HCN2: variants seen among roughly 807,000 people sequenced by gnomAD.
HCN2 encodes potassium/sodium hyperpolarization-activated cyclic nucleotide-gated channel 2.
A neutral mutation model predicts 52.3 loss-of-function variants in HCN2; 20 were observed. The ratio of observed to expected loss-of-function variants is 0.38; its 90% CI spans 0.27 to 0.56. The LOEUF (loss-of-function observed/expected upper bound fraction) is 0.56, where lower values mean the gene tolerates loss of function less well. HCN2 is among the 20% of genes least tolerant of loss of function. HCN2 has a pLI of 0.71. For synonymous variants in HCN2, 694 were observed against 537.0 expected (o/e 1.29, Z -4.04); for missense variants, 981 against 1,207.7 (o/e 0.81, Z 2.78).
intron 1 of HCN2, among the ~76,000 whole-genome samples, chr19:595,426 A>G (rs1982998863): frequency 6.7e-6 from 1 of 150,206 alleles, no homozygotes; most frequent in African/African-American, 2.5e-5. Flanking sequence ...TGTCACCTCT[A>G]CCTCCTCCCT....
intron 1 of HCN2, among the ~76,000 whole-genome samples, chr19:598,012 C>T (rs1247703102): frequency 1.3e-5 from 2 of 152,182 alleles, no homozygotes; most frequent in African/African-American, 4.8e-5. Flanking sequence ...GACTGGTGCT[C>T]GAAGGTGGGA....
In HCN2 at chr19:607,949, C is replaced by A; in HGVS notation, c.1219-15C>A. 6.2e-7 allele frequency: 1 copy of A among 1,600,872 alleles called. No homozygotes were observed. The highest frequency in any genetic ancestry group is 2.0e-4 in the Middle Eastern group (1 of 4,928). ...GAGCACCTGCCCACCACCGCCCCTC[C>A]TGCTGGCCTTGCAGAACCACTCGTG... On this transcript the variant is annotated splice_polypyrimidine_tract_variant and intron_variant, in intron 3 of 7. Transcript: ENST00000251287.
At position 613,498 on chromosome 19, in the gene HCN2, A is replaced by T. The variant is rs1201754609; in HGVS notation, c.1825+10A>T. ...GGCTCCTACTTCGGGGGTGAGCTTG[A>T]GGGGGGCGCGCCTGGAGGGGGAGGG... On this transcript the variant is annotated intron_variant, in intron 6 of 7. Coordinates refer to ENST00000251287, the MANE Select transcript of HCN2 (RefSeq NM_001194.4). The T allele has an allele frequency of 1.9e-6, 2 of 1,057,534 alleles. No homozygotes were observed. Among genetic ancestry groups the T allele is most frequent in the Non-Finnish European group, 1.2e-6 (1 of 813,790 alleles). The allele number at this position is 1,057,534 out of a possible 1,614,324, so 65.5% of individuals were successfully genotyped here.
rs55687900 is a variant in HCN2 at position 610,401 on chromosome 19, G to A, written c.1580G>A (p.Arg527Gln). The change falls in exon 5 of 8, where the codon CGG (arginine) becomes CAG (glutamine). Residue 527 changes from arginine to glutamine, a missense_variant. Physicochemically the swap from Arg to Gln is conservative, Grantham distance 43 (BLOSUM62 1). This residue lies in a region of HCN2 where 282 missense variants were observed against 553.8 expected (regional missense o/e 0.51). Transcript: ENST00000251287. ...CTGGGCGAGCTCAACGGGCCCCTGCGGGAGGTGAGGCGGGCGCCGGGCGGG... is the reference window on the plus strand; with the variant it reads ...CTGGGCGAGCTCAACGGGCCCCTGCAGGAGGTGAGGCGGGCGCCGGGCGGG... ...SILGELNGPL[R>Q]EEIVNFNCRK... 3.5e-5 allele frequency: 56 copies of A among 1,612,862 alleles called. No homozygotes were observed. Among genetic ancestry groups the A allele is most frequent in the Non-Finnish European group, 4.6e-5 (54 of 1,179,458 alleles).
intron 1 of HCN2, among the ~76,000 whole-genome samples, chr19:598,810 G>A (rs1323967995): frequency 2.0e-5 from 3 of 152,332 alleles, no homozygotes; most frequent in South Asian, 2.1e-4. Context: ...GGGTTTCACC[G>A]TGTTGGCCAG....
At position 617,122 on chromosome 19, in the gene HCN2, C is replaced by A. The variant is rs1341275387; in HGVS notation, c.*648C>A. On this transcript the variant is annotated 3_prime_UTR_variant, in exon 8 of 8. Coordinates refer to ENST00000251287, the MANE Select transcript of HCN2 (RefSeq NM_001194.4). The stretch of plus-strand genomic sequence containing the variant: ...CCCCCACGCCCCATTAACCCCCACA[C>A]CCCCATTCCGCGCAATAAACGACAG... 9.2e-6 allele frequency: 6 copies of A among 649,330 alleles called. No homozygotes were observed. In the Admixed American group the frequency reaches 1.2e-4, roughly 13 times the overall value. The allele number at this position is 649,330 out of a possible 1,614,324, so 40.2% of individuals were successfully genotyped here. A position where few individuals can be genotyped will look rare whatever the true frequency, so the allele number is the denominator to read the frequency against.
intron 7 of HCN2, among the ~76,000 whole-genome samples, 185 bp downstream of exon 7, chr19:614,201 G>A (rs1369611003): frequency 2.6e-5 from 4 of 152,168 alleles, no homozygotes; most frequent in African/African-American, 9.7e-5. Context: ...GGCGTGGCTG[G>A]GGCAGGGGCA....
At position 605,626 on chromosome 19, in the gene HCN2, CTCGGGCCCTT is replaced by C. The variant is rs1983399895; in HGVS notation, c.1218+405_1218+414del. ...AGGCGCCCCCTTATGGAGGGGAGGA[CTCGGGCCCTT>C]ACAGAGGTGGGGACCCAGGCGCCCC... On this transcript the variant is annotated intron_variant, in intron 3 of 7. Coordinates refer to ENST00000251287, the MANE Select transcript of HCN2 (RefSeq NM_001194.4). 1.1e-4 allele frequency among the ~76,000 whole-genome samples: 8 copies of C among 72,682 alleles called. 2 individuals carry two copies. Among genetic ancestry groups the C allele is most frequent in the Admixed American group, 6.4e-4 (5 of 7,844 alleles). The allele number at this position is 72,682 out of a possible 152,430, so 47.7% of individuals were successfully genotyped here.
At chr19:605,437 G>A (rs113738007) in intron 3 of HCN2, among the ~76,000 whole-genome samples, 1 of 62,406 alleles carries the variant, frequency 1.6e-5, no homozygotes, top group Non-Finnish European at 2.9e-5. Flanking sequence ...TTTCAGAGGC[G>A]GGGACCCAGG....
chr19:603,459 G>GTCCCCCA, intron 1 of HCN2, 85 bp from the exon 2 acceptor site: 1 of 1,090,898 alleles, frequency 9.2e-7, no homozygotes, highest in Non-Finnish European at 1.3e-6. Context: ...GGCGCCCCTC[G>GTCCCCCA]TCCCCCAAGG....
Position 613,240 on chromosome 19 carries a change from C to T in HCN2, c.1585-8C>T, listed in dbSNP as rs756746223. 6.8e-6 allele frequency: 11 copies of T among 1,608,886 alleles called. 1 individual carries two copies. Among genetic ancestry groups the T allele is most frequent in the Non-Finnish European group, 9.3e-6 (11 of 1,178,260 alleles). On this transcript the variant is annotated splice_polypyrimidine_tract_variant and splice_region_variant and intron_variant, in intron 5 of 7. Transcript: ENST00000251287. ...CGCAGCGGACCCAGCCCTGCCTCCC[C>T]CCTGCAGGAGATCGTCAACTTCAAC...
intron 5 of HCN2, among the ~76,000 whole-genome samples, chr19:613,015 T>G (rs909538642): frequency 3.3e-5 from 5 of 152,160 alleles, no homozygotes; most frequent in Non-Finnish European, 7.4e-5. Flanking sequence ...CCGCCCCTCC[T>G]GGTCCGATTG....
intron 6 of HCN2, among the ~76,000 whole-genome samples, 176 bp downstream of exon 6, chr19:613,664 G>GCACC (rs1193444946): frequency 1.0e-5 from 1 of 98,052 alleles, no homozygotes; most frequent in Non-Finnish European, 2.1e-5. Context: ...GATGGGGCCG[G>GCACC]GGATGGGGAT....
intron 3 of HCN2, among the ~76,000 whole-genome samples, chr19:606,720 C>T (rs10415299): frequency 0.07 from 10,605 of 150,880 alleles, 837 homozygotes; most frequent in African/African-American, 0.19. Flanking sequence ...GGCGTGGTGG[C>T]GCGCACCTGT....
At chr19:595,873 C>T (rs1983014633) in intron 1 of HCN2, among the ~76,000 whole-genome samples, 2 of 152,276 alleles carry the variant, frequency 1.3e-5, no homozygotes. Context: ...CCCTAATCCT[C>T]TCCCGGATTG....
chr19:616,987 A>G lies in HCN2; in HGVS notation c.*513A>G. The G allele has an allele frequency of 4.1e-6, 2 of 485,966 alleles. No individual in the cohort carries two copies. Among genetic ancestry groups the G allele is most frequent in the South Asian group, 2.1e-5 (1 of 48,708 alleles). 30.1% of individuals were successfully genotyped at this position (485,966 alleles called of 1,614,324 possible). A position where few individuals can be genotyped will look rare whatever the true frequency, so the allele number is the denominator to read the frequency against. On this transcript the variant is annotated 3_prime_UTR_variant, in exon 8 of 8. Transcript: ENST00000251287. ...GAGCAGCACCCCGCCTCCCTCCAGC[A>G]CTGGCACCGAGAGGCAGGCCTGGCT...
intron 1 of HCN2, among the ~76,000 whole-genome samples, chr19:593,045 TCC>T (rs1982917961): frequency 6.6e-6 from 1 of 152,082 alleles, no homozygotes; most frequent in African/African-American, 2.4e-5. Context: ...TCTCTTCACC[TCC>T]CCTTCCTGCT....
intron 1 of HCN2, among the ~76,000 whole-genome samples, chr19:594,985 G>A (rs552135535): frequency 6.6e-6 from 1 of 152,176 alleles, no homozygotes; most frequent in East Asian, 1.9e-4. Flanking sequence ...AGGATCGCTT[G>A]AGCCCAGGAG....
chr19:607,238 C>G (rs1049382996), intron 3 of HCN2, among the ~76,000 whole-genome samples: 5 of 152,240 alleles, frequency 3.3e-5, no homozygotes, highest in African/African-American at 1.2e-4. Flanking sequence ...GATGTGCTGA[C>G]TGTTAAGAAG....
Sources: allele counts gnomAD v4.1 joint callset (sites outside exome capture counted in the v4.1 genomes callset), GRCh38; gene constraint gnomAD v4.1.1; regional missense constraint gnomAD v4.1.1; transcripts MANE v1.5; gene names NCBI Gene and HGNC (gene_info 2026-07-23, HGNC 2026-07-21).